CHAF1A: variants seen among roughly 807,000 people sequenced by gnomAD.
CHAF1A encodes the protein CAF-1 subunit A.
CHAF1A carries 5 observed loss-of-function variants against 93.2 expected under a neutral mutation model. The observed-to-expected ratio is 0.05, with a 90% CI of 0.03 to 0.11. The LOEUF (loss-of-function observed/expected upper bound fraction) is 0.11. Among genes scored for constraint, CHAF1A ranks in the 10% least tolerant of loss-of-function variants. CHAF1A has a pLI of 1.00. For synonymous variants in CHAF1A, 504 were observed against 510.3 expected (o/e 0.99, Z 0.17); for missense variants, 1,102 against 1,259.9 (o/e 0.87, Z 1.90).
chr19:4,429,322 T>C, intron 8 of CHAF1A, 116 bp from the exon 9 acceptor site: 4 of 1,231,334 alleles, frequency 3.2e-6, no homozygotes, highest in Non-Finnish European at 4.5e-6. Flanking sequence ...TGCTGCTTTT[T>C]AACAAATGCC....
At chr19:4,436,798 C>T (rs576989310) in intron 13 of CHAF1A, among the ~76,000 whole-genome samples, 1 of 152,262 alleles carries the variant, frequency 6.6e-6, no homozygotes, top group African/African-American at 2.4e-5. Context: ...GTGCCCCGCC[C>T]CTGGTCCTCC....
chr19:4,441,141 A>AC (rs1262778258), intron 13 of CHAF1A, among the ~76,000 whole-genome samples: 1 of 151,866 alleles, frequency 6.6e-6, no homozygotes. Context: ...ACATGGTGAA[A>AC]CCCCATCTCT....
At chr19:4,450,423 T>C in the CHAF1A span, 21 of 151,978 alleles carry the variant, frequency 1.4e-4, no homozygotes, top group African/African-American at 4.1e-4. Context: ...GAGGGAAACA[T>C]GTGCAACTCA....
intron 4 of CHAF1A, among the ~76,000 whole-genome samples, chr19:4,419,570 T>C (rs1172387376): frequency 6.6e-6 from 1 of 151,916 alleles, no homozygotes; most frequent in Admixed American, 6.6e-5. Flanking sequence ...GCTGGGATTA[T>C]AGGCACGAGC....
At chr19:4,444,257 C>A (rs1005767457), downstream of CHAF1A, among the ~76,000 whole-genome samples, 1 of 152,144 alleles carries the variant, frequency 6.6e-6, no homozygotes, top group Non-Finnish European at 1.5e-5. Context: ...GCATAGGCCC[C>A]GGGCACCTCC....
At chr19:4,437,782 C>T (rs1198384670) in intron 13 of CHAF1A, among the ~76,000 whole-genome samples, 4 of 151,266 alleles carry the variant, frequency 2.6e-5, no homozygotes, top group Admixed American at 1.3e-4. Flanking sequence ...CTCTGTCGCC[C>T]AGGCTGGAGT....
intron 1 of CHAF1A, 70 bp downstream of exon 1, chr19:4,402,884 G>T: frequency 9.9e-7 from 1 of 1,008,022 alleles, no homozygotes; most frequent in South Asian, 4.9e-5. Flanking sequence ...AGGCGGCGAT[G>T]GGAGGCGGAC....
chr19:4,448,545 T>G, downstream of CHAF1A: 1 of 744,208 alleles, frequency 1.3e-6, no homozygotes. Flanking sequence ...TGTGCGCTCA[T>G]CACAGAAAGG....
Position 4,422,491 on chromosome 19 carries a change from C to T in CHAF1A, c.1018-75C>T. ...TTCATCCCGTCCAGGCCGTGCTGTC[C>T]TCCATGCTGTGAACCGAGCTTCCTC... On this transcript the variant is annotated intron_variant, in intron 4 of 14. Coordinates refer to ENST00000301280, the MANE Select transcript of CHAF1A (RefSeq NM_005483.3). This position sits in a 1 kb window ranked among gnomAD's most constrained non-coding sequence, Gnocchi z 4.6. The T allele has an allele frequency of 7.4e-7, 1 of 1,344,928 alleles. No homozygotes were observed. The highest frequency in any genetic ancestry group is 1.5e-5 in the African/African-American group (1 of 68,854). The allele number at this position is 1,344,928 out of a possible 1,614,324, so 83.3% of individuals were successfully genotyped here.
At chr19:4,417,457 CT>C (rs397768061) in intron 3 of CHAF1A, among the ~76,000 whole-genome samples, 32,135 of 102,744 alleles carry the variant, frequency 0.31, 4,877 homozygotes, top group East Asian at 0.57. Context: ...CCAGCTGTCG[CT>C]TTTTTTTTTT....
At chr19:4,417,442 C>G (rs907204798) in intron 3 of CHAF1A, among the ~76,000 whole-genome samples, 1 of 150,056 alleles carries the variant, frequency 6.7e-6, no homozygotes, top group Non-Finnish European at 1.5e-5. Context: ...TCCCTGTCGC[C>G]CAGGCCAGCT....
intron 12 of CHAF1A, among the ~76,000 whole-genome samples, 187 bp from the exon 13 acceptor site, chr19:4,432,883 G>A (rs898144937): frequency 2.0e-5 from 3 of 152,088 alleles, no homozygotes; most frequent in African/African-American, 7.2e-5. Context: ...CCCGGCCAAG[G>A]CTCACTTCTG....
intron 13 of CHAF1A, among the ~76,000 whole-genome samples, chr19:4,435,489 T>C (rs1206040825): frequency 6.6e-6 from 1 of 151,818 alleles, no homozygotes; most frequent in African/African-American, 2.4e-5. Context: ...TCCTCCCACC[T>C]TAGCCTCCTC....
chr19:4,416,797 A>G (rs557253681), intron 3 of CHAF1A, among the ~76,000 whole-genome samples: 1 of 152,142 alleles, frequency 6.6e-6, no homozygotes, highest in South Asian at 2.1e-4. Context: ...AAGCTGAGGC[A>G]GGAGAATCGC....
Position 4,409,503 on chromosome 19 carries a change from G to A in CHAF1A, c.704G>A (p.Gly235Glu). ...GAAGCTGGGGGCATCCTGTTCAAAG[G>A]GAAGGTGCCTATGGTGGTCTTGCAG... Reference protein sequence around the residue: ...WSEAGGILFKGKVPMVVLQDI... With the variant: ...WSEAGGILFKEKVPMVVLQDI... Residue 235 changes from glycine to glutamate, a missense_variant, in exon 3 of 15, where the codon GGG (glycine) becomes GAG (glutamate). By Grantham distance (98) the Gly-to-Glu change is moderately conservative (BLOSUM62 -2). Around this residue, in one of 6 missense-constraint regions of CHAF1A, gnomAD observed 379 missense variants for 365.7 expected, o/e 1.04. Transcript: ENST00000301280. 2.5e-6 allele frequency: 4 copies of A among 1,614,120 alleles called. No homozygotes were observed. The African/African-American group carries it at 4.0e-5, about 16-fold the overall frequency.
At position 4,430,569 on chromosome 19, in the gene CHAF1A, A is replaced by G. The variant is rs139240919; in HGVS notation, c.1875A>G (p.Gly625=). 48 of 1,600,078 alleles carry G rather than the reference A, an allele frequency of 3.0e-5. No homozygotes were observed. The African/African-American group carries it at 5.6e-4, about 19-fold the overall frequency. ...HSEGDDDDDM[G]EDEDEDDGFF... Reference sequence around the variant, plus strand: ...TTGAGGATGATGATGACGACATGGGAGAGGATGAAGATGAGGACGATGGTT... The same window carrying G: ...TTGAGGATGATGATGACGACATGGGGGAGGATGAAGATGAGGACGATGGTT... Residue 625 remains glycine, a synonymous_variant, in exon 11 of 15, where the codon GGA becomes GGG. Coordinates refer to ENST00000301280, the MANE Select transcript of CHAF1A (RefSeq NM_005483.3).
At position 4,426,167 on chromosome 19, in the gene CHAF1A, C is replaced by CTT. The variant is rs57040531; in HGVS notation, c.1377+2310_1377+2311dup. The stretch of plus-strand genomic sequence containing the variant: ...AGCCTGTTACCTCTTTGTTTACAGT[C>CTT]TTTTTTTTTTTTTTTTTTGAGACAC... On this transcript the variant is annotated intron_variant, in intron 7 of 14. Coordinates refer to ENST00000301280, the MANE Select transcript of CHAF1A (RefSeq NM_005483.3). Among the ~76,000 whole-genome samples the CTT allele has an allele frequency of 1.6e-4, 15 of 95,620 alleles. 1 individual carries two copies. The highest frequency in any genetic ancestry group is 7.4e-4 in the Admixed American group (7 of 9,404). 62.7% of individuals were successfully genotyped at this position (95,620 alleles called of 152,430 possible).
intron 4 of CHAF1A, among the ~76,000 whole-genome samples, chr19:4,419,985 T>C (rs943949610): frequency 6.6e-6 from 1 of 152,184 alleles, no homozygotes; most frequent in Non-Finnish European, 1.5e-5. Flanking sequence ...GTGTCTCGTA[T>C]ATCAGATGCA....
At chr19:4,403,946 A>G (rs1568427571) in intron 1 of CHAF1A, among the ~76,000 whole-genome samples, 1 of 152,124 alleles carries the variant, frequency 6.6e-6, no homozygotes, top group Non-Finnish European at 1.5e-5. Context: ...CAGCCTCCCA[A>G]GTAGCTGGGA....
Sources: gnomAD v4.1 joint callset for allele counts (sites outside exome capture counted in the v4.1 genomes callset) on GRCh38, gnomAD v4.1.1 for gene constraint, gnomAD v4.1.1 regional missense constraint, Gnocchi (gnomAD v3.1) non-coding constraint, MANE v1.5 for transcripts, NCBI Gene and HGNC (gene_info 2026-07-23, HGNC 2026-07-21) for gene names.